Variants in SOX8 observed in about 807,000 individuals in gnomAD.
SOX8 encodes SRY-box transcription factor 8, also known as transcription factor SOX-8.
Under a neutral mutation model 22.9 loss-of-function variants are expected in SOX8, and 9 were observed. That is an observed-to-expected ratio of 0.39 (90% CI 0.24 to 0.69). The LOEUF is 0.69. Ranked by LOEUF, SOX8 falls within the 30% of genes least tolerant of loss-of-function variation. The pLI is 0.43. For missense variants in SOX8, 734 were observed against 699.4 expected (o/e 1.05, Z -0.56); for synonymous variants, 416 against 330.6 (o/e 1.26, Z -2.80).
chr16:986,580 A>G lies in SOX8; in HGVS notation c.*1194A>G, dbSNP rs1298096866. On this transcript the variant is annotated 3_prime_UTR_variant, in exon 3 of 3. Coordinates refer to ENST00000293894, the MANE Select transcript of SOX8 (RefSeq NM_014587.5). ...CTGTGAAACTAAACCTTCTCCACTA[A>G]ACGTCGTTAGGGCCTCAGTTCTAGA... is the stretch of plus-strand genomic sequence containing the variant. The G allele has an allele frequency of 6.6e-6, 1 of 152,336 alleles. No individual in the cohort carries two copies. The highest frequency in any genetic ancestry group is 2.4e-5 in the African/African-American group (1 of 41,430). The allele number at this position is 152,336 out of a possible 1,614,324, so 9.4% of individuals were successfully genotyped here. A position where few individuals can be genotyped will look rare whatever the true frequency, so the allele number is the denominator to read the frequency against.
In SOX8 at chr16:982,187, C is replaced by CGCG. The variant is rs753429069; in HGVS notation, c.281_283dup (p.Gly94dup). ...CTGGAGTCTGGTGCCCATGCCGGTG[C>CGCG]GCGGCGGCGGCGGCGGCGCGCTCAA... On this transcript the variant is annotated inframe_insertion, in exon 1 of 3. Coordinates refer to ENST00000293894, the MANE Select transcript of SOX8 (RefSeq NM_014587.5). 7.1e-5 allele frequency: 107 copies of CGCG among 1,502,206 alleles called. No individual in the cohort carries two copies. The highest frequency in any genetic ancestry group is 1.7e-4 in the Admixed American group (8 of 47,498). 93.1% of individuals were successfully genotyped at this position (1,502,206 alleles called of 1,614,324 possible). A position where few individuals can be genotyped will look rare whatever the true frequency, so the allele number is the denominator to read the frequency against.
chr16:981,943 C>T lies in SOX8; in HGVS notation c.21C>T (p.Ala7=), dbSNP rs1181486657. The T allele has an allele frequency of 7.1e-7, 1 of 1,414,382 alleles. No homozygotes were observed. Among genetic ancestry groups the T allele is most frequent in the Non-Finnish European group, 9.2e-7 (1 of 1,081,764 alleles). The allele number at this position is 1,414,382 out of a possible 1,614,324, so 87.6% of individuals were successfully genotyped here. A position where few individuals can be genotyped will look rare whatever the true frequency, so the allele number is the denominator to read the frequency against. The change falls in exon 1 of 3, where the codon GCC becomes GCT. Residue 7 remains alanine (A), a synonymous_variant. Transcript: ENST00000293894. MLDMSE[A]RSQPPCSPSG... ...CCCCGATGCTGGACATGAGCGAGGCCCGCTCCCAGCCGCCCTGCAGCCCGT... is the reference window on the plus strand; with the variant it reads ...CCCCGATGCTGGACATGAGCGAGGCTCGCTCCCAGCCGCCCTGCAGCCCGT...
At chr16:984,600 C>A in intron 2 of SOX8, 101 bp from the exon 3 acceptor site, 1 of 688,670 alleles carries the variant, frequency 1.5e-6, no homozygotes. Flanking sequence ...CGTTGATCCC[C>A]CTGGCAGTTA....
chr16:984,679 A>C (rs2073438431), intron 2 of SOX8, 22 bp from the exon 3 acceptor site: 1 of 1,443,074 alleles, frequency 6.9e-7, no homozygotes, highest in African/African-American at 1.5e-5. Context: ...TTCATCCCTG[A>C]AGCCTGCTCT....
At chr16:983,481 G>A (rs2073426350) in intron 1 of SOX8, 1 of 394,010 alleles carries the variant, frequency 2.5e-6, no homozygotes, top group African/African-American at 2.1e-5. Context: ...AGGAAGATGG[G>A]AGGCGTGGGG....
At chr16:982,494 G>C (rs371779621) in intron 1 of SOX8, 150 bp downstream of exon 1, 1 of 886,276 alleles carries the variant, frequency 1.1e-6, no homozygotes, top group Non-Finnish European at 1.5e-6. Flanking sequence ...GTCAGGGCGG[G>C]TCCCAGTGGA....
chr16:984,525 G>C (rs2073437006), intron 2 of SOX8, among the ~76,000 whole-genome samples, 176 bp from the exon 3 acceptor site: 1 of 152,224 alleles, frequency 6.6e-6, no homozygotes, highest in African/African-American at 2.4e-5. Flanking sequence ...AATTTTCTCG[G>C]CCGAGGAGTG....
chr16:984,045 T>A, intron 2 of SOX8, 85 bp downstream of exon 2: 1 of 1,200,534 alleles, frequency 8.3e-7, no homozygotes, highest in Non-Finnish European at 1.1e-6. Context: ...TGCATGATGG[T>A]GGAGGGGGGC....
intron 2 of SOX8, among the ~76,000 whole-genome samples, chr16:984,344 G>A (rs1490430380): frequency 2.0e-5 from 3 of 152,218 alleles, no homozygotes; most frequent in African/African-American, 7.2e-5. Flanking sequence ...CAGGCTGGCT[G>A]ACGCCCGCCA....
intron 1 of SOX8, chr16:982,690 A>C (rs1197750435): frequency 4.1e-6 from 1 of 242,654 alleles, no homozygotes; most frequent in African/African-American, 2.2e-5. Flanking sequence ...GAGTGGCCCC[A>C]GCCCCGGGAG....
At position 985,298 on chromosome 16, in the gene SOX8, C is replaced by T; in HGVS notation, c.1253C>T (p.Pro418Leu). The change falls in exon 3 of 3, where the codon CCC becomes CTC. Residue 418 changes from proline to leucine, a missense_variant. Pro to Leu is a moderately conservative substitution (Grantham distance 98). Around this residue, in one of 3 missense-constraint regions of SOX8, gnomAD observed 588 missense variants for 568.2 expected, o/e 1.03. Transcript: ENST00000293894. ...FHSPRRPYAS[P>L]LLNGLALPPA... ...TCGCCGCGCCGGCCCTACGCCTCAC[C>T]CCTGCTCAACGGCCTGGCCCTGCCG... The T allele has an allele frequency of 6.2e-7, 1 of 1,609,588 alleles. No individual in the cohort carries two copies. Among genetic ancestry groups the T allele is most frequent in the South Asian group, 1.1e-5 (1 of 90,954 alleles).
chr16:985,059 C>G lies in SOX8; in HGVS notation c.1014C>G (p.Ile338Met). ...AGACGGGTCCCCCACGGCCGCACAT[C>G]AAGACGGAGCAGCCGAGCCCCGGCC... Reference protein sequence around the residue: ...PTETGPPRPHIKTEQPSPGHY... With the variant: ...PTETGPPRPHMKTEQPSPGHY... Residue 338 changes from isoleucine (I) to methionine (M), a missense_variant, in exon 3 of 3, where the codon ATC becomes ATG. Transcript: ENST00000293894. The G allele has an allele frequency of 6.3e-7, 1 of 1,582,640 alleles. No individual in the cohort carries two copies.
chr16:985,282 C>G lies in SOX8; in HGVS notation c.1237C>G (p.Arg413Gly). ...GTACCCCTGCTTCCACTCGCCGCGC[C>G]GGCCCTACGCCTCACCCCTGCTCAA... is the stretch of plus-strand genomic sequence containing the variant. Reference protein sequence around the residue: ...YQYPCFHSPRRPYASPLLNGL... With the variant: ...YQYPCFHSPRGPYASPLLNGL... Residue 413 changes from arginine (R) to glycine (G), a missense_variant, in exon 3 of 3, where the codon CGG becomes GGG. By Grantham distance (125) the Arg-to-Gly change is moderately radical (BLOSUM62 -2). Around this residue, in one of 3 missense-constraint regions of SOX8, gnomAD observed 588 missense variants for 568.2 expected, o/e 1.03. Transcript: ENST00000293894. 2 of 1,611,218 alleles carry G rather than the reference C, an allele frequency of 1.2e-6. No homozygotes were observed. Among genetic ancestry groups the G allele is most frequent in the Non-Finnish European group, 1.7e-6 (2 of 1,179,582 alleles).
rs1294994703 is a variant in SOX8, at chr16:981,927, T to C, written c.5T>C (p.Leu2Pro). 5 of 1,327,972 alleles carry C rather than the reference T, an allele frequency of 3.8e-6. No homozygotes were observed. The highest frequency in any genetic ancestry group is 2.9e-4 in the Middle Eastern group (1 of 3,404). The allele number at this position is 1,327,972 out of a possible 1,614,324, so 82.3% of individuals were successfully genotyped here. A position where few individuals can be genotyped will look rare whatever the true frequency, so the allele number is the denominator to read the frequency against. The change falls in exon 1 of 3, where the codon CTG (leucine) becomes CCG (proline). Residue 2 changes from leucine to proline, a missense_variant. Physicochemically the swap from Leu to Pro is moderately conservative, Grantham distance 98. Coordinates refer to ENST00000293894, the MANE Select transcript of SOX8 (RefSeq NM_014587.5). M[L>P]DMSEARSQPP... ...GCCCCTCCGCGCGCGGCCCCGATGC[T>C]GGACATGAGCGAGGCCCGCTCCCAG...
Position 986,733 on chromosome 16 carries a change from C to CT in SOX8, c.*1350dup, listed in dbSNP as rs1277287749. The CT allele has an allele frequency of 8.3e-6, 1 of 120,016 alleles. No individual in the cohort carries two copies. The highest frequency in any genetic ancestry group is 1.7e-5 in the Non-Finnish European group (1 of 60,378). 7.4% of individuals were successfully genotyped at this position (120,016 alleles called of 1,614,324 possible). On this transcript the variant is annotated 3_prime_UTR_variant, in exon 3 of 3. Transcript: ENST00000293894. ...CTTAAACACAGCCGAGAAGTTGCTTCTTTGTACTTTTTCTACTTTTCCTAC... is the reference window on the plus strand; with the variant it reads ...CTTAAACACAGCCGAGAAGTTGCTTCTTTTGTACTTTTTCTACTTTTCCTAC...
At chr16:984,656 C>T (rs1300395164) in intron 2 of SOX8, 45 bp from the exon 3 acceptor site, 1 of 1,326,764 alleles carries the variant, frequency 7.5e-7, no homozygotes, top group Non-Finnish European at 9.9e-7. Context: ...CCACCCGCCC[C>T]ACAGAAGGGG....
chr16:984,705 G>A lies in SOX8; in HGVS notation c.660G>A (p.Gln220=), dbSNP rs1461023799. The change falls in exon 3 of 3, where the codon CAG becomes CAA. Residue 220 remains glutamine, a synonymous_variant. Transcript: ENST00000293894. Reference sequence around the variant, plus strand: ...AGCCTGCTCTCCTGTCCCCAGGGCAGACCCACGGGCCGCCCACCCCGCCCA... The same window carrying A: ...AGCCTGCTCTCCTGTCCCCAGGGCAAACCCACGGGCCGCCCACCCCGCCCA... ...DGHHHGDHTG[Q]THGPPTPPTT... is the part of the protein sequence containing the mutation. The A allele has an allele frequency of 6.5e-7, 1 of 1,527,468 alleles. No homozygotes were observed. Among genetic ancestry groups the A allele is most frequent in the South Asian group, 1.2e-5 (1 of 81,642 alleles). 94.6% of individuals were successfully genotyped at this position (1,527,468 alleles called of 1,614,324 possible). A position where few individuals can be genotyped will look rare whatever the true frequency, so the allele number is the denominator to read the frequency against.
In SOX8 at chr16:984,720, C is replaced by T. The variant is rs199573411; in HGVS notation, c.675C>T (p.Pro225=). The change falls in exon 3 of 3, where the codon CCC becomes CCT. Residue 225 remains proline, a synonymous_variant. Coordinates refer to ENST00000293894, the MANE Select transcript of SOX8 (RefSeq NM_014587.5). ...GDHTGQTHGP[P]TPPTTPKTEL... ...CCCCAGGGCAGACCCACGGGCCGCC[C>T]ACCCCGCCCACCACCCCCAAGACGG... 1.6e-4 allele frequency: 252 copies of T among 1,553,416 alleles called. 1 individual carries two copies. In the African/African-American group the frequency reaches 2.9e-3, roughly 18 times the overall value.
In SOX8 at chr16:985,345, C is replaced by G. The variant is rs1224381313; in HGVS notation, c.1300C>G (p.His434Asp). 2 of 1,589,012 alleles carry G rather than the reference C, an allele frequency of 1.3e-6. No individual in the cohort carries two copies. Among genetic ancestry groups the G allele is most frequent in the Non-Finnish European group, 1.7e-6 (2 of 1,173,438 alleles). ...GCCGCCCGCCCACAGCCCCACCAGT[C>G]ACTGGGACCAGCCGGTGTACACCAC... ...ALPPAHSPTS[H>D]WDQPVYTTLT... Residue 434 changes from histidine to aspartate, a missense_variant, in exon 3 of 3, where the codon CAC (histidine) becomes GAC (aspartate). Around this residue, in one of 3 missense-constraint regions of SOX8, gnomAD observed 588 missense variants for 568.2 expected, o/e 1.03. Coordinates refer to ENST00000293894, the MANE Select transcript of SOX8 (RefSeq NM_014587.5).
Sources: allele counts gnomAD v4.1 joint callset (sites outside exome capture counted in the v4.1 genomes callset), GRCh38; gene constraint gnomAD v4.1.1; regional missense constraint gnomAD v4.1.1; transcripts MANE v1.5; gene names NCBI Gene and HGNC (gene_info 2026-07-23, HGNC 2026-07-21).